The following ARHGAP1 variants were observed in gnomAD, a reference collection of about 807,000 sequenced individuals.
The protein encoded by ARHGAP1 is Rho GTPase activating protein 1, also known as rho GTPase-activating protein 1.
In ARHGAP1, 23 loss-of-function variants were observed where a neutral mutation model predicts 52.2. That is an observed-to-expected ratio of 0.44 (90% CI 0.32 to 0.62). The LOEUF (loss-of-function observed/expected upper bound fraction) is 0.62. ARHGAP1 is among the 20% of genes least tolerant of loss of function. ARHGAP1 has a pLI of 0.05. For missense variants in ARHGAP1, 480 were observed against 560.9 expected, an observed-to-expected ratio of 0.86 and a Z score of 1.46; for synonymous variants, 210 against 228.4, an observed-to-expected ratio of 0.92 and a Z score of 0.73.
At chr11:46,684,850 G>A (rs1385744279) in intron 4 of ARHGAP1, among the ~76,000 whole-genome samples, 1 of 152,128 alleles carries the variant, frequency 6.6e-6, no homozygotes, top group African/African-American at 2.4e-5. Flanking sequence ...CAATTTGGGA[G>A]GCAGAGACGG....
Position 46,696,280 on chromosome 11 carries a change from A to C in ARHGAP1, c.-49-124T>G, listed in dbSNP as rs1592393498. On this transcript the variant is annotated intron_variant, in intron 1 of 12. Transcript: ENST00000311956. This position sits in a 1 kb window ranked among gnomAD's most constrained non-coding sequence, Gnocchi z 4.8. ...AGGCTCCCTGTCCCTATTCCTCAAC[A>C]CTCCTCATCCCCGCCAAGAGCTCCA... 12 of 621,674 alleles carry C rather than the reference A, an allele frequency of 1.9e-5. No homozygotes were observed. Among genetic ancestry groups the C allele is most frequent in the East Asian group, 2.9e-5 (1 of 34,252 alleles). The allele number at this position is 621,674 out of a possible 1,614,324, so 38.5% of individuals were successfully genotyped here.
chr11:46,677,714 G>T lies in ARHGAP1; in HGVS notation c.*1323C>A, dbSNP rs960925433. The T allele has an allele frequency of 4.1e-6, 1 of 242,624 alleles. No individual in the cohort carries two copies. The highest frequency in any genetic ancestry group is 8.3e-6 in the Non-Finnish European group (1 of 120,350). The allele number at this position is 242,624 out of a possible 1,614,324, so 15.0% of individuals were successfully genotyped here. On this transcript the variant is annotated 3_prime_UTR_variant, in exon 13 of 13. Transcript: ENST00000311956. Reference sequence around the variant, plus strand: ...CGCCTGGAATCCCAGCACTTTGGGAGGCCGAGGTGGGTGGATCATGAGGTC... The same window carrying T: ...CGCCTGGAATCCCAGCACTTTGGGATGCCGAGGTGGGTGGATCATGAGGTC...
intron 3 of ARHGAP1, among the ~76,000 whole-genome samples, chr11:46,691,144 A>G (rs1453225167): frequency 2.4e-4 from 36 of 152,062 alleles, no homozygotes; most frequent in Non-Finnish European, 1.5e-5. Flanking sequence ...CTGGGATTAC[A>G]GTTGCGTACC....
rs2064510371 is a variant in ARHGAP1 at position 46,679,852 on chromosome 11, A to G, written c.899-76T>C. 5 of 1,590,630 alleles carry G rather than the reference A, an allele frequency of 3.1e-6. No homozygotes were observed. The South Asian group carries it at 5.6e-5, about 18-fold the overall frequency. On this transcript the variant is annotated intron_variant, in intron 10 of 12. Transcript: ENST00000311956. The surrounding 1 kb of genome is among the most constrained non-coding windows in gnomAD (Gnocchi z 4.4). ...CCCATCTGCAGACAACGCGGGCCGC[A>G]CTGCCTGACTGCCCCTGGACACTGC...
chr11:46,681,307 G>A lies in ARHGAP1; in HGVS notation c.522C>T (p.Phe174=), dbSNP rs2064526137. The part of the protein sequence containing the change: ...TMFIKTLLIL[F]KPLISFKFGQ... ...TGGCCACTCACCTGATGAGGGGCTTGAAGAGGATGAGCAGAGTTTTGATGA... is the reference window on the plus strand; with the variant it reads ...TGGCCACTCACCTGATGAGGGGCTTAAAGAGGATGAGCAGAGTTTTGATGA... The change falls in exon 6 of 13, where the codon TTC becomes TTT. Residue 174 remains phenylalanine (F), a synonymous_variant. Coordinates refer to ENST00000311956, the MANE Select transcript of ARHGAP1 (RefSeq NM_004308.5). This position sits in a 1 kb window ranked among gnomAD's most constrained non-coding sequence, Gnocchi z 5.7. The A allele has an allele frequency of 6.2e-7, 1 of 1,613,568 alleles. No homozygotes were observed. The highest frequency in any genetic ancestry group is 8.5e-7 in the Non-Finnish European group (1 of 1,179,466).
intron 3 of ARHGAP1, 193 bp downstream of exon 3, chr11:46,695,467 C>A: frequency 1.4e-6 from 1 of 690,176 alleles, no homozygotes; most frequent in Non-Finnish European, 2.6e-6. Context: ...AATTAGAGTT[C>A]AAAGAGCAGA....
intron 1 of ARHGAP1, among the ~76,000 whole-genome samples, chr11:46,697,759 TC>T (rs957737689): frequency 3.3e-5 from 5 of 152,048 alleles, no homozygotes; most frequent in Admixed American, 3.3e-4. Context: ...CAAAATATAA[TC>T]CCTTCCCAAG....
At chr11:46,689,331 C>G (rs979474763) in intron 3 of ARHGAP1, among the ~76,000 whole-genome samples, 8 of 151,154 alleles carry the variant, frequency 5.3e-5, no homozygotes, top group African/African-American at 1.9e-4. Context: ...AGACAGGAAG[C>G]AAATTAGTGG....
rs2064694483 is a variant in ARHGAP1 at position 46,700,562 on chromosome 11, A to G, written c.-61T>C. The G allele has an allele frequency of 5.5e-6, 1 of 182,286 alleles. No individual in the cohort carries two copies. The highest frequency in any genetic ancestry group is 1.1e-4 in the South Asian group (1 of 8,950). The allele number at this position is 182,286 out of a possible 1,614,324, so 11.3% of individuals were successfully genotyped here. ...GCCCAGCAGCTCACCGCGCTCGGGC[A>G]CTGCTCCCTCTGCCACGCCTGTCAA... On this transcript the variant is annotated 5_prime_UTR_variant, in exon 1 of 13. Transcript: ENST00000311956.
At position 46,681,218 on chromosome 11, in the gene ARHGAP1, C is replaced by A; in HGVS notation, c.536+75G>T. 1.3e-6 allele frequency: 2 copies of A among 1,547,902 alleles called. No homozygotes were observed. The highest frequency in any genetic ancestry group is 2.2e-5 in the South Asian group (2 of 89,506). On this transcript the variant is annotated intron_variant, in intron 6 of 12. Coordinates refer to ENST00000311956, the MANE Select transcript of ARHGAP1 (RefSeq NM_004308.5). The surrounding 1 kb of genome is among the most constrained non-coding windows in gnomAD (Gnocchi z 5.7). ...CGGAAGCCCAGCCGCACCTGGTGGT[C>A]CCCAGGCTGCCCAGCCTCCCAGCTT...
At chr11:46,686,065 G>A (rs1301291497) in intron 4 of ARHGAP1, among the ~76,000 whole-genome samples, 4 of 150,988 alleles carry the variant, frequency 2.6e-5, no homozygotes, top group Non-Finnish European at 5.9e-5. Context: ...TCTGCCTCCC[G>A]GGTTCAAGTA....
At position 46,679,783 on chromosome 11, in the gene ARHGAP1, T is replaced by G. The variant is rs1592383207; in HGVS notation, c.899-7A>C. 6.2e-7 allele frequency: 1 copy of G among 1,612,704 alleles called. No homozygotes were observed. Among genetic ancestry groups the G allele is most frequent in the South Asian group, 1.1e-5 (1 of 91,056 alleles). On this transcript the variant is annotated splice_region_variant and splice_polypyrimidine_tract_variant and intron_variant, in intron 10 of 12. Transcript: ENST00000311956. This position sits in a 1 kb window ranked among gnomAD's most constrained non-coding sequence, Gnocchi z 4.4. ...TCGAAATCCACAGGCAGCCCTGGGG[T>G]GGGGGCAGCGTGAGAGAAGCTCGGC...
At chr11:46,695,019 C>A in intron 3 of ARHGAP1, 1 of 171,922 alleles carries the variant, frequency 5.8e-6, no homozygotes, top group Non-Finnish European at 1.3e-5. Flanking sequence ...CCAGCTGCTC[C>A]TTCTAAAGTG....
intron 3 of ARHGAP1, among the ~76,000 whole-genome samples, chr11:46,689,794 C>G (rs2064597443): frequency 6.6e-6 from 1 of 152,092 alleles, no homozygotes; most frequent in African/African-American, 2.4e-5. Flanking sequence ...CTGCCTTGGC[C>G]TCCCAAAGCG....
intron 3 of ARHGAP1, among the ~76,000 whole-genome samples, chr11:46,688,820 C>A (rs1004823835): frequency 6.6e-6 from 1 of 151,588 alleles, no homozygotes; most frequent in Non-Finnish European, 1.5e-5. Context: ...CGGTGGCTCA[C>A]GCCTGTAATC....
In ARHGAP1 at chr11:46,678,881, C is replaced by T; in HGVS notation, c.*156G>A. 1.2e-6 allele frequency: 1 copy of T among 845,314 alleles called. No individual in the cohort carries two copies. Among genetic ancestry groups the T allele is most frequent in the African/African-American group, 1.7e-5 (1 of 58,416 alleles). The allele number at this position is 845,314 out of a possible 1,614,324, so 52.4% of individuals were successfully genotyped here. A position where few individuals can be genotyped will look rare whatever the true frequency, so the allele number is the denominator to read the frequency against. ...ACGTCTTCTGGTAACAGCGAGGCCG[C>T]CAGGGCCGTGAGGCGGGCTGGACAG... On this transcript the variant is annotated 3_prime_UTR_variant, in exon 13 of 13. Transcript: ENST00000311956.
At chr11:46,693,194 C>T (rs559463744) in intron 3 of ARHGAP1, among the ~76,000 whole-genome samples, 1 of 151,822 alleles carries the variant, frequency 6.6e-6, no homozygotes, top group Non-Finnish European at 1.5e-5. Flanking sequence ...GACGGGGTTT[C>T]TCCGTGTTCA....
chr11:46,694,741 C>T lies in ARHGAP1; in HGVS notation c.229+919G>A, dbSNP rs542500028. Among the ~76,000 whole-genome samples, 7 of 152,344 alleles carry T rather than the reference C, an allele frequency of 4.6e-5. No homozygotes were observed. The East Asian group carries it at 9.6e-4, about 21-fold the overall frequency. ...GGGTGAATGAGGCCAGAGCCAAGGCCCTCAACCCAGATCAGGGCAGGCGCC... is the reference window on the plus strand; with the variant it reads ...GGGTGAATGAGGCCAGAGCCAAGGCTCTCAACCCAGATCAGGGCAGGCGCC... On this transcript the variant is annotated intron_variant, in intron 3 of 12. Coordinates refer to ENST00000311956, the MANE Select transcript of ARHGAP1 (RefSeq NM_004308.5).
Position 46,679,553 on chromosome 11 carries a change from C to A in ARHGAP1, c.1028-85G>T. On this transcript the variant is annotated intron_variant, in intron 11 of 12. Transcript: ENST00000311956. The surrounding 1 kb of genome is among the most constrained non-coding windows in gnomAD (Gnocchi z 4.4). ...TGATGCAGGCTAGAGGGGAGACCCC[C>A]AGCAGTCTTCCCTGGGAGGCGCCTA... 1.2e-6 allele frequency: 2 copies of A among 1,605,708 alleles called. No homozygotes were observed. Among genetic ancestry groups the A allele is most frequent in the Admixed American group, 1.7e-5 (1 of 59,570 alleles).
Sources: allele counts gnomAD v4.1 joint callset (sites outside exome capture counted in the v4.1 genomes callset), GRCh38; gene constraint gnomAD v4.1.1; non-coding constraint Gnocchi (gnomAD v3.1); transcripts MANE v1.5; gene names NCBI Gene and HGNC (gene_info 2026-07-23, HGNC 2026-07-21).